Variants in SLC2A6 observed in about 807,000 individuals in gnomAD.
The protein encoded by SLC2A6 is solute carrier family 2, facilitated glucose transporter member 6.
SLC2A6 carries 39 observed loss-of-function variants against 47.8 expected under a neutral mutation model. The observed-to-expected ratio is 0.82, with a 90% CI of 0.63 to 1.07. The LOEUF is 1.07. SLC2A6 is among the 50% of genes least tolerant of loss of function. The probability of loss-of-function intolerance (pLI) is 0.00; values close to 1 mark genes in which losing one functional copy is unlikely to be tolerated. For missense variants in SLC2A6, 650 were observed against 707.6 expected (o/e 0.92, Z 0.92); for synonymous variants, 346 against 324.1 (o/e 1.07, Z -0.73).
At chr9:133,478,537 A>G in intron 1 of SLC2A6, 121 bp from the exon 2 acceptor site, 3 of 1,134,830 alleles carry the variant, frequency 2.6e-6, no homozygotes, top group Non-Finnish European at 3.8e-6. Context: ...CCTGGGTCCA[A>G]GGCCATTCAC....
chr9:133,476,141 G>T, intron 4 of SLC2A6, 96 bp downstream of exon 4: 2 of 1,004,752 alleles, frequency 2.0e-6, no homozygotes, highest in Non-Finnish European at 1.5e-6. Context: ...CCCAGGATCT[G>T]TTCTGGGACA....
At chr9:133,476,627 G>A (rs1421750254) in intron 3 of SLC2A6, among the ~76,000 whole-genome samples, 1 of 152,224 alleles carries the variant, frequency 6.6e-6, no homozygotes. Flanking sequence ...GAGCAGGTGA[G>A]TCCATGCCTC....
rs1843978477 is a variant in SLC2A6 at position 133,476,982 on chromosome 9, T to C, written c.462+53A>G. ...TGGGAGGCCTTAGTCAGATGGAGGC[T>C]CAGCACCAATACAGAGGCATTGGGG... On this transcript the variant is annotated intron_variant, in intron 3 of 9. Transcript: ENST00000371899. The C allele has an allele frequency of 2.0e-6, 3 of 1,522,786 alleles. No homozygotes were observed. The Admixed American group carries it at 6.2e-5, about 31-fold the overall frequency. 94.3% of individuals were successfully genotyped at this position (1,522,786 alleles called of 1,614,324 possible).
chr9:133,478,901 C>A, intron 1 of SLC2A6, 67 bp downstream of exon 1: 1 of 1,430,398 alleles, frequency 7.0e-7, no homozygotes. Context: ...GGGAGCCTGC[C>A]GCCGGCTGGA....
chr9:133,471,110 T>G lies in SLC2A6; in HGVS notation c.*911A>C, dbSNP rs961171550. ...CGCTAGGACTACAGGTCCAGTTCCT[T>G]TATTTTTACAAAAGGGTGAACACAG... On this transcript the variant is annotated 3_prime_UTR_variant, in exon 10 of 10. Transcript: ENST00000371899. 6.6e-6 allele frequency: 1 copy of G among 152,228 alleles called. No individual in the cohort carries two copies. Among genetic ancestry groups the G allele is most frequent in the African/African-American group, 2.4e-5 (1 of 41,444 alleles). The allele number at this position is 152,228 out of a possible 1,614,324, so 9.4% of individuals were successfully genotyped here.
At chr9:133,476,212 C>T (rs782487106) in intron 4 of SLC2A6, 25 bp downstream of exon 4, 13 of 1,583,224 alleles carry the variant, frequency 8.2e-6, no homozygotes, top group African/African-American at 4.0e-5. Flanking sequence ...CCAGCCTGCA[C>T]ACAGGAGTGC....
chr9:133,478,900 C>A, intron 1 of SLC2A6, 68 bp downstream of exon 1: 1 of 1,422,346 alleles, frequency 7.0e-7, no homozygotes, highest in Non-Finnish European at 9.4e-7. Context: ...CGGGAGCCTG[C>A]CGCCGGCTGG....
At chr9:133,477,007 G>A in intron 3 of SLC2A6, 28 bp downstream of exon 3, 7 of 1,546,144 alleles carry the variant, frequency 4.5e-6, no homozygotes, top group Non-Finnish European at 6.1e-6. Context: ...AGGCATTGGG[G>A]CGCCTGGGTG....
Position 133,475,068 on chromosome 9 carries a change from G to T in SLC2A6, c.820C>A (p.Arg274=). The change falls in exon 6 of 10, where the codon CGG becomes AGG. Residue 274 remains arginine, a synonymous_variant. Transcript: ENST00000371899. ...WAEARAPHVC[R]PITVALLMRL... is the part of the protein sequence containing the mutation. ...ATCAGCAAGGCCACGGTGATGGGCC[G>T]GCACACGTGTGGGGCCCGTGCCTCA... 1 of 1,599,376 alleles carries T rather than the reference G, an allele frequency of 6.3e-7. No individual in the cohort carries two copies. Among genetic ancestry groups the T allele is most frequent in the Non-Finnish European group, 8.5e-7 (1 of 1,175,054 alleles).
In SLC2A6 at chr9:133,476,351, C is replaced by T. The variant is rs370600827; in HGVS notation, c.463-15G>A. On this transcript the variant is annotated splice_polypyrimidine_tract_variant and intron_variant, in intron 3 of 9. Transcript: ENST00000371899. ...GACACGTACACCTGCAAGACACAGCCGCCGCACCAGGTTTTGCTGAAAATA... is the reference window on the plus strand; with the variant it reads ...GACACGTACACCTGCAAGACACAGCTGCCGCACCAGGTTTTGCTGAAAATA... The T allele has an allele frequency of 3.1e-6, 5 of 1,609,352 alleles. No homozygotes were observed. Among genetic ancestry groups the T allele is most frequent in the South Asian group, 1.1e-5 (1 of 91,024 alleles).
rs73550886 is a variant in SLC2A6 at position 133,476,759 on chromosome 9, T to C, written c.462+276A>G. ...CTTCCCTCTCCTACCCATTGCTCAA[T>C]GCGGATTTTCTCCAATTGAGTAATA... On this transcript the variant is annotated intron_variant, in intron 3 of 9. Transcript: ENST00000371899. Among the ~76,000 whole-genome samples the C allele has an allele frequency of 6.0e-3, 914 of 152,314 alleles. 6 individuals carry two copies. Among genetic ancestry groups the C allele is most frequent in the East Asian group, 0.023 (121 of 5,170 alleles).
At chr9:133,475,702 G>T in intron 4 of SLC2A6, 91 bp from the exon 5 acceptor site, 1 of 1,201,462 alleles carries the variant, frequency 8.3e-7, no homozygotes, top group Non-Finnish European at 1.1e-6. Context: ...TGCCCTTCAA[G>T]GTCTAGTCCA....
At chr9:133,475,724 C>T (rs1843920862) in intron 4 of SLC2A6, 113 bp from the exon 5 acceptor site, 3 of 967,324 alleles carry the variant, frequency 3.1e-6, no homozygotes, top group Non-Finnish European at 4.5e-6. Context: ...GGGCCATCTC[C>T]TACAGGAAGC....
rs781799646 is a variant in SLC2A6 at position 133,474,972 on chromosome 9, C to T, written c.916G>A (p.Ala306Thr). The change falls in exon 6 of 10, where the codon GCT (alanine) becomes ACT (threonine). Residue 306 changes from alanine (A) to threonine (T), a missense_variant. Coordinates refer to ENST00000371899, the MANE Select transcript of SLC2A6 (RefSeq NM_017585.4). Reference protein sequence around the residue: ...VYLQSIFDSTAVLLPPKDDAA... With the variant: ...VYLQSIFDSTTVLLPPKDDAA... ...GGCTGGGCTCTCACCAGCAGGACAG[C>T]GGTGCTGTCGAAGATGGACTGCAGG... The T allele has an allele frequency of 4.2e-5, 66 of 1,569,220 alleles. No homozygotes were observed. The highest frequency in any genetic ancestry group is 9.3e-5 in the East Asian group (4 of 42,794).
chr9:133,474,227 C>A, intron 6 of SLC2A6, 139 bp from the exon 7 acceptor site: 1 of 619,332 alleles, frequency 1.6e-6, no homozygotes, highest in Admixed American at 3.0e-5. Context: ...GCACCTGCAG[C>A]GTGCTGGGCA....
chr9:133,472,521 G>A (rs1415509301), intron 9 of SLC2A6, among the ~76,000 whole-genome samples: 2 of 152,096 alleles, frequency 1.3e-5, no homozygotes, highest in African/African-American at 4.8e-5. Flanking sequence ...TGGTGGGCAC[G>A]CAGGTTCTTC....
At chr9:133,474,226 G>A in intron 6 of SLC2A6, 138 bp from the exon 7 acceptor site, 1 of 621,944 alleles carries the variant, frequency 1.6e-6, no homozygotes, top group Non-Finnish European at 2.7e-6. Flanking sequence ...GGCACCTGCA[G>A]CGTGCTGGGC....
In SLC2A6 at chr9:133,477,138, G is replaced by C; in HGVS notation, c.359C>G (p.Ala120Gly). 1.9e-6 allele frequency: 3 copies of C among 1,549,558 alleles called. No individual in the cohort carries two copies. The highest frequency in any genetic ancestry group is 2.6e-6 in the Non-Finnish European group (3 of 1,146,498). The change falls in exon 3 of 10, where the codon GCG becomes GGG. Residue 120 changes from alanine to glycine, a missense_variant. By Grantham distance (60) the Ala-to-Gly change is moderately conservative. Coordinates refer to ENST00000371899, the MANE Select transcript of SLC2A6 (RefSeq NM_017585.4). ...ACCCGCCATGAGCGCATAGCCGGCC[G>C]CCGACGGCACAGCTGAGAACATGAT... ...LSIMFSAVPS[A>G]AGYALMAGAH...
intron 4 of SLC2A6, 135 bp from the exon 5 acceptor site, chr9:133,475,746 G>A: frequency 1.2e-6 from 1 of 808,158 alleles, no homozygotes; most frequent in South Asian, 1.8e-5. Flanking sequence ...TACCCTGATT[G>A]CCCCAGGCAG....
Sources: gnomAD v4.1 joint callset for allele counts (sites outside exome capture counted in the v4.1 genomes callset) on GRCh38, gnomAD v4.1.1 for gene constraint, MANE v1.5 for transcripts, NCBI Gene and HGNC (gene_info 2026-07-23, HGNC 2026-07-21) for gene names.